The following FGD4 variants were observed in gnomAD, a reference collection of about 807,000 sequenced individuals.
The protein encoded by FGD4 is FYVE, RhoGEF and PH domain containing 4.
Under a neutral mutation model 102.0 loss-of-function variants are expected in FGD4, and 42 were observed. That is an observed-to-expected ratio of 0.41 (90% CI 0.32 to 0.53). FGD4 has a LOEUF of 0.53. Among genes scored for constraint, FGD4 ranks in the 20% least tolerant of loss-of-function variants. The probability of loss-of-function intolerance (pLI) is 0.21; values close to 1 mark genes in which losing one functional copy is unlikely to be tolerated. For missense variants in FGD4, 902 were observed against 1,078.2 expected, an observed-to-expected ratio of 0.84 and a Z score of 2.29; for synonymous variants, 380 against 375.7, an observed-to-expected ratio of 1.01 and a Z score of -0.13.
At chr12:32,530,195 C>T (rs1941657679) in intron 1 of FGD4, among the ~76,000 whole-genome samples, 3 of 151,662 alleles carry the variant, frequency 2.0e-5, no homozygotes, top group African/African-American at 7.3e-5. Context: ...TATGAAATAT[C>T]ATGTGGGCTG....
chr12:32,415,414 C>CTTTT (rs34612851), intron 1 of FGD4, among the ~76,000 whole-genome samples: 5 of 89,626 alleles, frequency 5.6e-5, no homozygotes, highest in Middle Eastern at 7.9e-3. Flanking sequence ...ATCTGTCTCT[C>CTTTT]TTTTTTTTTT....
chr12:32,510,172 TATCAC>T (rs1939211621), intron 1 of FGD4, among the ~76,000 whole-genome samples: 1 of 152,238 alleles, frequency 6.6e-6, no homozygotes, highest in South Asian at 2.1e-4. Context: ...GTGAATGATT[TATCAC>T]ATCATATCAG....
intron 1 of FGD4, among the ~76,000 whole-genome samples, chr12:32,489,611 G>A (rs531477998): frequency 6.6e-6 from 1 of 152,232 alleles, no homozygotes; most frequent in African/African-American, 2.4e-5. Context: ...TGTATAAAAG[G>A]GGTTGATGAT....
intron 1 of FGD4, among the ~76,000 whole-genome samples, chr12:32,516,316 A>C (rs1565792524): frequency 6.6e-6 from 1 of 151,398 alleles, no homozygotes; most frequent in African/African-American, 2.4e-5. Flanking sequence ...TAATTTTTTA[A>C]TTTTTTTTAT....
intron 1 of FGD4, among the ~76,000 whole-genome samples, chr12:32,458,361 G>C (rs1044786868): frequency 2.0e-5 from 3 of 151,862 alleles, no homozygotes; most frequent in African/African-American, 7.3e-5. Flanking sequence ...TTTTTTTGTA[G>C]AGACAGGATT....
chr12:32,527,966 TTTTC>T (rs1289736249), intron 1 of FGD4, among the ~76,000 whole-genome samples: 1 of 152,128 alleles, frequency 6.6e-6, no homozygotes, highest in South Asian at 2.1e-4. Context: ...TCTTTTTTCT[TTTTC>T]TTTTTCTTTT....
At chr12:32,418,826 G>T (rs908666960) in intron 1 of FGD4, among the ~76,000 whole-genome samples, 2 of 152,268 alleles carry the variant, frequency 1.3e-5, no homozygotes, top group Admixed American at 6.5e-5. Context: ...GCCCCAGATT[G>T]GTTCATAGAT....
At chr12:32,493,195 T>G (rs1324758454) in intron 1 of FGD4, among the ~76,000 whole-genome samples, 1 of 152,184 alleles carries the variant, frequency 6.6e-6, no homozygotes, top group East Asian at 1.9e-4. Flanking sequence ...AGCAGAGAAA[T>G]AGGGAGATAC....
chr12:32,578,934 C>T (rs914306158), intron 3 of FGD4, among the ~76,000 whole-genome samples: 1 of 151,440 alleles, frequency 6.6e-6, no homozygotes, highest in Non-Finnish European at 1.5e-5. Context: ...TCCTATTCCT[C>T]CTTCTTTCTC....
At chr12:32,427,182 A>C (rs1036808391) in intron 1 of FGD4, among the ~76,000 whole-genome samples, 6 of 152,056 alleles carry the variant, frequency 3.9e-5, no homozygotes, top group Admixed American at 1.3e-4. Context: ...GATCTTTCCC[A>C]CTTTCTCCTG....
intron 14 of FGD4, among the ~76,000 whole-genome samples, chr12:32,629,059 CA>C (rs1705958880): frequency 6.6e-6 from 1 of 151,880 alleles, no homozygotes; most frequent in South Asian, 2.1e-4. Context: ...TTGGTGGACA[CA>C]AGCTGCTTGG....
intron 1 of FGD4, among the ~76,000 whole-genome samples, chr12:32,433,163 A>G (rs1942112594): frequency 6.6e-6 from 1 of 151,148 alleles, no homozygotes; most frequent in African/African-American, 2.4e-5. Flanking sequence ...CACCTCGCTA[A>G]TTTTTGTATT....
chr12:32,458,349 G>T (rs1392184740), intron 1 of FGD4, among the ~76,000 whole-genome samples: 1 of 151,370 alleles, frequency 6.6e-6, no homozygotes, highest in African/African-American at 2.4e-5. Context: ...TGTCTTTTGT[G>T]TTTTTTTTGT....
intron 1 of FGD4, among the ~76,000 whole-genome samples, chr12:32,528,908 G>A (rs190997566): frequency 6.6e-4 from 101 of 152,208 alleles, no homozygotes; most frequent in African/African-American, 2.3e-3. Context: ...GTGACTATAA[G>A]TGAACATATA....
chr12:32,597,882 C>A (rs1238203607), intron 4 of FGD4, among the ~76,000 whole-genome samples: 3 of 152,070 alleles, frequency 2.0e-5, no homozygotes, highest in Non-Finnish European at 4.4e-5. Context: ...TGAAGTTTTT[C>A]TTTCTGTTTT....
At chr12:32,407,534 AG>A (rs966588070) in intron 1 of FGD4, among the ~76,000 whole-genome samples, 1 of 152,242 alleles carries the variant, frequency 6.6e-6, no homozygotes, top group African/African-American at 2.4e-5. Context: ...TCCTGAGGAC[AG>A]GTTGCCGAGA....
intron 1 of FGD4, among the ~76,000 whole-genome samples, chr12:32,522,964 A>G (rs888658813): frequency 4.6e-5 from 7 of 152,218 alleles, no homozygotes; most frequent in African/African-American, 1.7e-4. Context: ...ATGAAATCCT[A>G]CTTATCCTTC....
intron 1 of FGD4, among the ~76,000 whole-genome samples, chr12:32,519,167 T>C (rs977937560): frequency 1.4e-5 from 2 of 145,074 alleles, no homozygotes; most frequent in Non-Finnish European, 3.0e-5. Context: ...GCCCCCACCA[T>C]GTGCCCATTT....
intron 1 of FGD4, among the ~76,000 whole-genome samples, chr12:32,422,605 T>A (rs973318807): frequency 1.3e-5 from 2 of 151,998 alleles, no homozygotes; most frequent in Non-Finnish European, 2.9e-5. Flanking sequence ...TTATGTGACA[T>A]TGAAATGTAG....
Sources: gnomAD v4.1 joint callset for allele counts (sites outside exome capture counted in the v4.1 genomes callset) on GRCh38, gnomAD v4.1.1 for gene constraint, MANE v1.5 for transcripts, NCBI Gene and HGNC (gene_info 2026-07-23, HGNC 2026-07-21) for gene names.